KCNK13: variants seen among roughly 807,000 people sequenced by gnomAD.
KCNK13 encodes the protein potassium channel subfamily K member 13.
In KCNK13, 12 loss-of-function variants were observed where a neutral mutation model predicts 23.4. That is an observed-to-expected ratio of 0.51 (90% CI 0.33 to 0.83). The LOEUF is 0.83. Ranked by LOEUF, KCNK13 falls within the 40% of genes least tolerant of loss-of-function variation. The pLI, the probability that KCNK13 is intolerant of heterozygous loss-of-function variation, is 0.02. For synonymous variants in KCNK13, 231 were observed against 229.5 expected (o/e 1.01, Z -0.06); for missense variants, 463 against 556.3 (o/e 0.83, Z 1.69).
chr14:90,149,128 G>A (rs185283949), intron 1 of KCNK13, among the ~76,000 whole-genome samples: 218 of 152,266 alleles, frequency 1.4e-3, no homozygotes, highest in African/African-American at 4.8e-3. Context: ...AAGCTGAGGC[G>A]GGGTGGATCA....
In KCNK13 at chr14:90,081,984, T is replaced by C. The variant is rs1388043754; in HGVS notation, c.334+19445T>C. Reference sequence around the variant, plus strand: ...ATTTCTCCACCATATTTTGATGCAGTGTGAAGCTCTTGCCAGAAGCCACTA... The same window carrying C: ...ATTTCTCCACCATATTTTGATGCAGCGTGAAGCTCTTGCCAGAAGCCACTA... On this transcript the variant is annotated intron_variant, in intron 1 of 1. Transcript: ENST00000282146. Among the ~76,000 whole-genome samples, 3 of 152,302 alleles carry C rather than the reference T, an allele frequency of 2.0e-5. No homozygotes were observed. The East Asian group carries it at 5.8e-4, about 29-fold the overall frequency.
chr14:90,074,117 G>C (rs1889108617), intron 1 of KCNK13, among the ~76,000 whole-genome samples: 1 of 151,942 alleles, frequency 6.6e-6, no homozygotes, highest in Non-Finnish European at 1.5e-5. Flanking sequence ...CTACAGGCAT[G>C]CACCACCACA....
chr14:90,135,744 CTT>C (rs1295127024), intron 1 of KCNK13, among the ~76,000 whole-genome samples: 1 of 152,066 alleles, frequency 6.6e-6, no homozygotes, highest in Non-Finnish European at 1.5e-5. Context: ...GAAAAGGACT[CTT>C]TTTTGTTCTG....
intron 1 of KCNK13, among the ~76,000 whole-genome samples, chr14:90,110,501 C>T (rs1889603315): frequency 6.9e-6 from 1 of 143,952 alleles, no homozygotes; most frequent in African/African-American, 2.6e-5. Flanking sequence ...AAAAAAAAAG[C>T]ATCTGATTCA....
At chr14:90,144,862 A>G (rs1890055617) in intron 1 of KCNK13, among the ~76,000 whole-genome samples, 2 of 152,096 alleles carry the variant, frequency 1.3e-5, no homozygotes. Context: ...TGGATATCCT[A>G]CACTTGTTCC....
Position 90,152,561 on chromosome 14 carries a change from G to A in KCNK13, c.335-31550G>A, listed in dbSNP as rs1455163676. 1.8e-4 allele frequency among the ~76,000 whole-genome samples: 27 copies of A among 151,966 alleles called. 1 individual carries two copies. Among genetic ancestry groups the A allele is most frequent in the Admixed American group, 1.8e-3 (27 of 15,252 alleles). On this transcript the variant is annotated intron_variant, in intron 1 of 1. Transcript: ENST00000282146. ...AAAAAAAAAAGAAGGGCATGCCTTT[G>A]CTCCTCCTTTGCCTTCCACCATGAT...
chr14:90,106,951 G>A (rs1889550999), intron 1 of KCNK13, among the ~76,000 whole-genome samples: 1 of 152,126 alleles, frequency 6.6e-6, no homozygotes, highest in Non-Finnish European at 1.5e-5. Context: ...AATCCGGGAG[G>A]CAGAGGTTGC....
chr14:90,134,115 G>A (rs139044111), intron 1 of KCNK13, among the ~76,000 whole-genome samples: 1 of 152,276 alleles, frequency 6.6e-6, no homozygotes, highest in Admixed American at 6.5e-5. Context: ...TTACTCGGGA[G>A]GCTGAAATAG....
chr14:90,145,911 C>T lies in KCNK13; in HGVS notation c.335-38200C>T, dbSNP rs1050974928. On this transcript the variant is annotated intron_variant, in intron 1 of 1. Coordinates refer to ENST00000282146, the MANE Select transcript of KCNK13 (RefSeq NM_022054.4). ...AAATACTGGGGGGGTGGGGAGGTGC[C>T]GAGGTAGGAGGATCACTTGAGCTCA... 1.2e-4 allele frequency among the ~76,000 whole-genome samples: 18 copies of T among 151,782 alleles called. No homozygotes were observed. The South Asian group carries it at 3.6e-3, about 30-fold the overall frequency.
At chr14:90,080,070 C>A (rs1889188962) in intron 1 of KCNK13, among the ~76,000 whole-genome samples, 1 of 152,096 alleles carries the variant, frequency 6.6e-6, no homozygotes, top group South Asian at 2.1e-4. Flanking sequence ...GACGGGATAC[C>A]AAAGTGAGGA....
At chr14:90,080,966 A>T (rs1349598336) in intron 1 of KCNK13, among the ~76,000 whole-genome samples, 1 of 151,938 alleles carries the variant, frequency 6.6e-6, no homozygotes, top group Admixed American at 6.6e-5. Flanking sequence ...GACAACCAAA[A>T]CTCTCCAAAT....
chr14:90,134,508 T>G (rs1226606209), intron 1 of KCNK13, among the ~76,000 whole-genome samples: 1 of 152,144 alleles, frequency 6.6e-6, no homozygotes, highest in African/African-American at 2.4e-5. Flanking sequence ...ATAAGAAAGA[T>G]CCAATGTTTA....
chr14:90,163,649 T>C (rs1890273585), intron 1 of KCNK13, among the ~76,000 whole-genome samples: 1 of 152,212 alleles, frequency 6.6e-6, no homozygotes, highest in African/African-American at 2.4e-5. Context: ...ACTTGCTAGC[T>C]GAGTTGGCAG....
intron 1 of KCNK13, among the ~76,000 whole-genome samples, chr14:90,162,128 TG>T (rs1412080947): frequency 7.9e-5 from 12 of 152,134 alleles, no homozygotes; most frequent in Admixed American, 7.2e-4. Context: ...TGCAGTGAGC[TG>T]TAATTGACCA....
At chr14:90,144,304 G>T (rs1231705918) in intron 1 of KCNK13, among the ~76,000 whole-genome samples, 1 of 151,864 alleles carries the variant, frequency 6.6e-6, no homozygotes, top group Non-Finnish European at 1.5e-5. Flanking sequence ...TCATATTTTT[G>T]ATGCTATTGT....
intron 1 of KCNK13, among the ~76,000 whole-genome samples, chr14:90,139,904 G>A (rs562713618): frequency 6.6e-6 from 1 of 152,208 alleles, no homozygotes; most frequent in African/African-American, 2.4e-5. Context: ...GGAGGTTGCA[G>A]TGACCCGAGA....
intron 1 of KCNK13, among the ~76,000 whole-genome samples, chr14:90,067,291 A>G (rs1889020975): frequency 6.6e-6 from 1 of 152,142 alleles, no homozygotes; most frequent in Non-Finnish European, 1.5e-5. Flanking sequence ...AAGGAATGAA[A>G]TTTTGATATA....
chr14:90,143,840 T>C (rs949207439), intron 1 of KCNK13, among the ~76,000 whole-genome samples: 3 of 152,176 alleles, frequency 2.0e-5, no homozygotes, highest in Non-Finnish European at 4.4e-5. Context: ...GAACATAATT[T>C]TGACAGTTGG....
chr14:90,133,156 A>T (rs1889894872), intron 1 of KCNK13, among the ~76,000 whole-genome samples: 1 of 152,208 alleles, frequency 6.6e-6, no homozygotes, highest in African/African-American at 2.4e-5. Flanking sequence ...GACAAGCTTG[A>T]TCTCATTTAA....
Sources: allele counts gnomAD v4.1 joint callset (sites outside exome capture counted in the v4.1 genomes callset), GRCh38; gene constraint gnomAD v4.1.1; transcripts MANE v1.5; gene names NCBI Gene and HGNC (gene_info 2026-07-23, HGNC 2026-07-21).